R3HDM1: variants seen among roughly 807,000 people sequenced by gnomAD.
R3HDM1 encodes the protein R3H domain-containing protein 1.
A neutral mutation model predicts 141.1 loss-of-function variants in R3HDM1; 46 were observed. That is an observed-to-expected ratio of 0.33 (90% confidence interval 0.26 to 0.42). The LOEUF (loss-of-function observed/expected upper bound fraction) is 0.42. Ranked by LOEUF, R3HDM1 falls within the 10% of genes least tolerant of loss-of-function variation. The pLI, the probability that R3HDM1 is intolerant of heterozygous loss-of-function variation, is 1.00. For synonymous variants in R3HDM1, 435 were observed against 472.9 expected (o/e 0.92, Z 1.04); for missense variants, 1,184 against 1,368.3 (o/e 0.87, Z 2.12).
chr2:135,542,755 A>G lies in R3HDM1; in HGVS notation c.-250+11122A>G, dbSNP rs148181131. Among the ~76,000 whole-genome samples, 125 of 152,326 alleles carry G rather than the reference A, an allele frequency of 8.2e-4. 1 individual carries two copies. Among genetic ancestry groups the G allele is most frequent in the African/African-American group, 2.9e-3 (119 of 41,578 alleles). ...GTTACACTATGGTTACTATATGACCATGAGACGGCGTCTCACTCTGTAGCC... is the reference window on the plus strand; with the variant it reads ...GTTACACTATGGTTACTATATGACCGTGAGACGGCGTCTCACTCTGTAGCC... On this transcript the variant is annotated intron_variant, in intron 1 of 26. Transcript: ENST00000683871.
At chr2:135,616,877 T>A (rs2061068366) in intron 5 of R3HDM1, 120 bp downstream of exon 5, 2 of 843,204 alleles carry the variant, frequency 2.4e-6, no homozygotes, top group Middle Eastern at 2.5e-4. Context: ...TATTCAATAA[T>A]ACTTGGCACC....
chr2:135,706,373 GTTT>G (rs1462380364), intron 21 of R3HDM1, among the ~76,000 whole-genome samples: 23 of 138,138 alleles, frequency 1.7e-4, no homozygotes, highest in African/African-American at 7.2e-4. Context: ...TTTTGTTTTT[GTTT>G]TTGTTTTTGT....
intron 7 of R3HDM1, among the ~76,000 whole-genome samples, chr2:135,628,015 T>C (rs940185932): frequency 6.6e-6 from 1 of 152,200 alleles, no homozygotes; most frequent in African/African-American, 2.4e-5. Context: ...CTTTAATAAT[T>C]AACAGCATGT....
At chr2:135,609,574 G>T (rs1419634417) in intron 3 of R3HDM1, among the ~76,000 whole-genome samples, 2 of 152,120 alleles carry the variant, frequency 1.3e-5, no homozygotes, top group African/African-American at 4.8e-5. Flanking sequence ...TGGGGTGGTG[G>T]ATGCCAGGTT....
At chr2:135,716,065 G>A (rs560418537) in intron 24 of R3HDM1, among the ~76,000 whole-genome samples, 9 of 152,216 alleles carry the variant, frequency 5.9e-5, no homozygotes, top group South Asian at 2.1e-4. Context: ...AGTGGCTTAC[G>A]CCTGCAATCC....
At chr2:135,540,948 T>C (rs1356096738) in intron 1 of R3HDM1, among the ~76,000 whole-genome samples, 1 of 152,220 alleles carries the variant, frequency 6.6e-6, no homozygotes, top group Non-Finnish European at 1.5e-5. Flanking sequence ...TCAGAGCTCT[T>C]GGGTGACAAG....
At chr2:135,610,862 T>TG (rs960436460) in intron 3 of R3HDM1, among the ~76,000 whole-genome samples, 1 of 152,164 alleles carries the variant, frequency 6.6e-6, no homozygotes, top group African/African-American at 2.4e-5. Flanking sequence ...GCCAGCACTT[T>TG]GGGATGCCGA....
At chr2:135,558,070 T>G (rs1412027294) in intron 1 of R3HDM1, among the ~76,000 whole-genome samples, 9 of 152,190 alleles carry the variant, frequency 5.9e-5, no homozygotes, top group Non-Finnish European at 5.9e-5. Flanking sequence ...ATTAGAAATA[T>G]CGAGTTATAG....
intron 1 of R3HDM1, among the ~76,000 whole-genome samples, chr2:135,601,914 G>A (rs1337804798): frequency 6.7e-6 from 1 of 149,996 alleles, no homozygotes; most frequent in Non-Finnish European, 1.5e-5. Context: ...CTCCTGCCTT[G>A]GCTTCCCAAA....
chr2:135,597,048 T>C, intron 1 of R3HDM1: 5 of 984,186 alleles, frequency 5.1e-6, no homozygotes, highest in Non-Finnish European at 6.0e-6. Context: ...ATGCAGCACA[T>C]TCGTGTAACA....
intron 1 of R3HDM1, among the ~76,000 whole-genome samples, chr2:135,585,740 C>T (rs951433971): frequency 2.7e-4 from 41 of 152,220 alleles, no homozygotes; most frequent in African/African-American, 9.2e-4. Flanking sequence ...AAGCATCTGA[C>T]ATGAGGCAGA....
chr2:135,684,241 CCA>C (rs2070903371), intron 21 of R3HDM1, among the ~76,000 whole-genome samples: 1 of 152,098 alleles, frequency 6.6e-6, no homozygotes, highest in African/African-American at 2.4e-5. Flanking sequence ...TAGGCGCCCG[CCA>C]CTACGCCCGG....
intron 21 of R3HDM1, among the ~76,000 whole-genome samples, chr2:135,687,739 CT>C (rs1173396052): frequency 6.6e-6 from 1 of 152,120 alleles, no homozygotes; most frequent in Non-Finnish European, 1.5e-5. Flanking sequence ...CGTCATTGTT[CT>C]TTTCTGGCTC....
At chr2:135,638,199 A>G (rs150583901) in intron 11 of R3HDM1, among the ~76,000 whole-genome samples, 3,700 of 152,312 alleles carry the variant, frequency 0.024, 75 homozygotes, top group Middle Eastern at 0.037. Context: ...ACCCAGATTA[A>G]CAGTGCTGAA....
At chr2:135,578,012 G>C (rs1705885335) in intron 1 of R3HDM1, among the ~76,000 whole-genome samples, 1 of 152,060 alleles carries the variant, frequency 6.6e-6, no homozygotes, top group Non-Finnish European at 1.5e-5. Flanking sequence ...CTAATAAATT[G>C]ACATATGCAC....
chr2:135,683,390 C>G (rs2070683512), intron 21 of R3HDM1, among the ~76,000 whole-genome samples: 1 of 151,858 alleles, frequency 6.6e-6, no homozygotes, highest in Admixed American at 6.6e-5. Context: ...CCTGTCTCCA[C>G]TAAAAATACA....
At chr2:135,709,615 A>C in intron 22 of R3HDM1, 79 bp downstream of exon 22, 2 of 1,530,832 alleles carry the variant, frequency 1.3e-6, no homozygotes, top group East Asian at 4.7e-5. Context: ...CATTTCTACA[A>C]AAAGCTTCTC....
At chr2:135,585,286 TC>T (rs1707630419) in intron 1 of R3HDM1, among the ~76,000 whole-genome samples, 1 of 152,240 alleles carries the variant, frequency 6.6e-6, no homozygotes, top group Non-Finnish European at 1.5e-5. Context: ...AAAGCTGGTA[TC>T]TTTTAGTGTT....
chr2:135,582,637 T>G (rs1475552535), intron 1 of R3HDM1, among the ~76,000 whole-genome samples: 2 of 151,970 alleles, frequency 1.3e-5, no homozygotes, highest in African/African-American at 4.8e-5. Flanking sequence ...TGGTATGGAG[T>G]AGTGGAAAAG....
Sources: gnomAD v4.1 joint callset for allele counts (sites outside exome capture counted in the v4.1 genomes callset) on GRCh38, gnomAD v4.1.1 for gene constraint, MANE v1.5 for transcripts, NCBI Gene and HGNC (gene_info 2026-07-23, HGNC 2026-07-21) for gene names.